Variants in LGR4 observed in about 807,000 individuals in gnomAD.
LGR4 encodes the protein leucine rich repeat containing G protein-coupled receptor 4, also known as leucine-rich repeat-containing G protein-coupled receptor 4.
A neutral mutation model predicts 84.8 loss-of-function variants in LGR4; 44 were observed. The ratio of observed to expected loss-of-function variants is 0.52; its 90% confidence interval spans 0.41 to 0.67. LGR4 has a LOEUF of 0.67. Ranked by LOEUF, LGR4 falls within the 30% of genes least tolerant of loss-of-function variation. The probability of loss-of-function intolerance (pLI) is 0.00; values close to 1 mark genes in which losing one functional copy is unlikely to be tolerated. For missense variants in LGR4, 1,032 were observed against 1,131.4 expected (o/e 0.91, Z 1.26); for synonymous variants, 429 against 434.3 (o/e 0.99, Z 0.15).
chr11:27,445,562 A>C (rs4536164), intron 1 of LGR4, among the ~76,000 whole-genome samples: 106,311 of 151,916 alleles, frequency 0.7, 37,318 homozygotes, highest in South Asian at 0.82. Flanking sequence ...CTCCTCCCCC[A>C]ACGAATACAG....
intron 1 of LGR4, among the ~76,000 whole-genome samples, chr11:27,428,147 T>TG (rs1189807294): frequency 6.6e-6 from 1 of 151,910 alleles, no homozygotes; most frequent in Non-Finnish European, 1.5e-5. Context: ...TTCTTTTTTT[T>TG]TTTTCTTTTT....
In LGR4 at chr11:27,368,125, TAAAAG is replaced by T; in HGVS notation, c.2593_2597del (p.Leu865AsnfsTer27). On this transcript the variant is annotated frameshift_variant, in exon 18 of 18. Coordinates refer to ENST00000379214, the MANE Select transcript of LGR4 (RefSeq NM_018490.5). LOFTEE classifies it high-confidence loss of function. ...AGTGTTTGCATGATACTGGCTTTGT[TAAAAG>T]AAACGATTCGCAGCAGTCGCAAACA... is the stretch of plus-strand genomic sequence containing the variant. 3 of 1,614,164 alleles carry T rather than the reference TAAAAG, an allele frequency of 1.9e-6. No homozygotes were observed. The highest frequency in any genetic ancestry group is 1.1e-5 in the South Asian group (1 of 91,080).
intron 1 of LGR4, among the ~76,000 whole-genome samples, chr11:27,461,204 C>G (rs1015496413): frequency 6.6e-6 from 1 of 151,480 alleles, no homozygotes; most frequent in Non-Finnish European, 1.5e-5. Flanking sequence ...GCATTAATCT[C>G]AAATGTAAAA....
intron 3 of LGR4, 64 bp downstream of exon 3, chr11:27,392,383 C>A: frequency 7.9e-7 from 1 of 1,269,270 alleles, no homozygotes; most frequent in Non-Finnish European, 1.1e-6. Context: ...TAGTTCCAAG[C>A]ATGTTGACTA....
At chr11:27,404,776 A>G (rs918702553) in intron 2 of LGR4, among the ~76,000 whole-genome samples, 27 of 129,838 alleles carry the variant, frequency 2.1e-4, no homozygotes, top group Admixed American at 4.9e-4. Flanking sequence ...AGAAGCAACA[A>G]TGTACTGAAA....
At position 27,368,542 on chromosome 11, in the gene LGR4, T is replaced by C. The variant is rs2447997; in HGVS notation, c.2181A>G (p.Lys727=). Residue 727 remains lysine (K), a synonymous_variant, in exon 18 of 18, where the codon AAA becomes AAG. Transcript: ENST00000379214. The stretch of plus-strand genomic sequence containing the variant: ...CCTCTTTTTCCAAGTTGCAGTATAG[T>C]TTAGTGTAGATAACGGCCATTAATA... The part of the protein sequence containing the change: ...AFLLMAVIYT[K]LYCNLEKEDL... 1 allele frequency: 1,614,082 copies of C among 1,614,104 alleles called. 807,030 individuals carry two copies. The highest frequency in any genetic ancestry group is 1 in the Middle Eastern group (6,062 of 6,062).
At chr11:27,407,119 A>T (rs566490646) in intron 2 of LGR4, among the ~76,000 whole-genome samples, 10 of 152,258 alleles carry the variant, frequency 6.6e-5, no homozygotes, top group Non-Finnish European at 1.3e-4. Context: ...CCACTTATCT[A>T]CTATTGGGTC....
At chr11:27,436,064 AC>A (rs1864201593) in intron 1 of LGR4, among the ~76,000 whole-genome samples, 2 of 150,734 alleles carry the variant, frequency 1.3e-5, no homozygotes, top group African/African-American at 4.9e-5. Flanking sequence ...GGCGCCCACT[AC>A]CACGCCCGGC....
chr11:27,379,987 A>T (rs1191117995), intron 10 of LGR4, among the ~76,000 whole-genome samples: 1 of 152,158 alleles, frequency 6.6e-6, no homozygotes, highest in Non-Finnish European at 1.5e-5. Flanking sequence ...GTCTACATCG[A>T]ATGCCCCCAC....
At chr11:27,456,335 C>A (rs1345550170) in intron 1 of LGR4, among the ~76,000 whole-genome samples, 4 of 152,054 alleles carry the variant, frequency 2.6e-5, no homozygotes, top group African/African-American at 9.7e-5. Flanking sequence ...GTGTTCGAGT[C>A]AACTAAAGAG....
rs548329343 is a variant in LGR4 at position 27,401,700 on chromosome 11, C to T, written c.258-9182G>A. 3.9e-5 allele frequency among the ~76,000 whole-genome samples: 6 copies of T among 152,258 alleles called. No homozygotes were observed. The South Asian group carries it at 1.2e-3, about 32-fold the overall frequency. ...CAACAGAATTCCGTTTTTATATAGA[C>T]TGATAAGGTTTCTTACATCAATCAA... On this transcript the variant is annotated intron_variant, in intron 2 of 17. Coordinates refer to ENST00000379214, the MANE Select transcript of LGR4 (RefSeq NM_018490.5).
intron 4 of LGR4, among the ~76,000 whole-genome samples, chr11:27,389,450 GA>G (rs1241892491): frequency 6.6e-6 from 1 of 152,004 alleles, no homozygotes; most frequent in African/African-American, 2.4e-5. Flanking sequence ...TGATTTCTGT[GA>G]AAAACATCAC....
intron 1 of LGR4, among the ~76,000 whole-genome samples, chr11:27,424,306 G>A (rs550950415): frequency 5.5e-4 from 83 of 152,078 alleles, no homozygotes; most frequent in Non-Finnish European, 1.1e-3. Context: ...TTGGGAGGCC[G>A]AGGAAGGAAG....
In LGR4 at chr11:27,372,876, T is replaced by C. The variant is rs76248738; in HGVS notation, c.1380-478A>G. 2.1e-4 allele frequency: 32 copies of C among 152,542 alleles called. 1 individual carries two copies. Among genetic ancestry groups the C allele is most frequent in the Middle Eastern group, 3.5e-3 (1 of 282 alleles). 9.4% of individuals were successfully genotyped at this position (152,542 alleles called of 1,614,324 possible). On this transcript the variant is annotated intron_variant, in intron 15 of 17. Coordinates refer to ENST00000379214, the MANE Select transcript of LGR4 (RefSeq NM_018490.5). ...ACAATAATATTCTCTCTCTTTTTTT[T>C]AGAGACAGGGTCTTGCCCTGTCACC...
chr11:27,400,962 A>G (rs1038871037), intron 2 of LGR4, among the ~76,000 whole-genome samples: 16 of 152,216 alleles, frequency 1.1e-4, no homozygotes, highest in African/African-American at 3.9e-4. Context: ...GAACAGTCCT[A>G]TATCAACTAA....
chr11:27,450,729 G>A (rs969748147), intron 1 of LGR4, among the ~76,000 whole-genome samples: 5 of 152,156 alleles, frequency 3.3e-5, no homozygotes, highest in South Asian at 4.1e-4. Flanking sequence ...CAGAGGTTAC[G>A]GTGAGCTGAG....
intron 2 of LGR4, among the ~76,000 whole-genome samples, chr11:27,403,731 C>T (rs144018554): frequency 7.6e-4 from 115 of 152,280 alleles, no homozygotes; most frequent in African/African-American, 2.7e-3. Context: ...AGGATAATGG[C>T]TCCATATCTT....
At chr11:27,403,184 T>C (rs1863536870) in intron 2 of LGR4, among the ~76,000 whole-genome samples, 1 of 152,164 alleles carries the variant, frequency 6.6e-6, no homozygotes, top group Non-Finnish European at 1.5e-5. Context: ...ATAAGAATGT[T>C]CCACAGCTGG....
intron 10 of LGR4, among the ~76,000 whole-genome samples, chr11:27,379,363 G>GTCATAA (rs1337458761): frequency 6.6e-6 from 1 of 152,162 alleles, no homozygotes; most frequent in Non-Finnish European, 1.5e-5. Flanking sequence ...ACCTGGAGCT[G>GTCATAA]TCATAATTCA....
Sources: gnomAD v4.1 joint callset for allele counts (sites outside exome capture counted in the v4.1 genomes callset) on GRCh38, gnomAD v4.1.1 for gene constraint, MANE v1.5 for transcripts, NCBI Gene and HGNC (gene_info 2026-07-23, HGNC 2026-07-21) for gene names.